SLC35D4: variants seen among roughly 807,000 people sequenced by gnomAD.
The protein encoded by SLC35D4 is UDP-N-acetylglucosamine transporter SLC35D4.
chr18:23,302,939 C>T, the SLC35D4 span, among the ~76,000 whole-genome samples: 1 of 152,178 alleles, frequency 6.6e-6, no homozygotes. Flanking sequence ...GGAAATCACC[C>T]GATTTCAAAA....
chr18:23,279,486 C>G, the SLC35D4 span, among the ~76,000 whole-genome samples: 1 of 152,148 alleles, frequency 6.6e-6, no homozygotes, highest in Non-Finnish European at 1.5e-5. Flanking sequence ...ACTCCCAGTA[C>G]CTCCGAATGT....
chr18:23,421,254 A>C, the SLC35D4 span: 2 of 896,634 alleles, frequency 2.2e-6, no homozygotes, highest in Admixed American at 5.3e-5. Flanking sequence ...AAATAAATAA[A>C]TAAGTAAATA....
the SLC35D4 span, among the ~76,000 whole-genome samples, chr18:23,247,613 A>G: frequency 6.6e-6 from 1 of 152,206 alleles, no homozygotes; most frequent in Admixed American, 6.5e-5. Flanking sequence ...CAGAGGAGCA[A>G]ACGGAGGCAC....
At chr18:23,388,207 A>G in the SLC35D4 span, among the ~76,000 whole-genome samples, 3 of 152,312 alleles carry the variant, frequency 2.0e-5, no homozygotes, top group Admixed American at 6.5e-5. Context: ...TGTTTTCTCA[A>G]TCTTCCTAGG....
At chr18:23,340,050 G>A in the SLC35D4 span, among the ~76,000 whole-genome samples, 9 of 152,006 alleles carry the variant, frequency 5.9e-5, no homozygotes, top group East Asian at 1.2e-3. Flanking sequence ...TCTCTACCAC[G>A]CACCTCATGG....
chr18:23,251,825 C>T, the SLC35D4 span, among the ~76,000 whole-genome samples: 1 of 152,200 alleles, frequency 6.6e-6, no homozygotes, highest in South Asian at 2.1e-4. Context: ...GTGGCTCACG[C>T]CTGTAATCCC....
chr18:23,437,816 A>T, the SLC35D4 span: 5 of 1,612,756 alleles, frequency 3.1e-6, no homozygotes, highest in Non-Finnish European at 1.7e-6. Flanking sequence ...TAGCAGGTAC[A>T]AAAGGTGAGG....
the SLC35D4 span, chr18:23,257,291 T>G: frequency 6.2e-7 from 1 of 1,613,920 alleles, no homozygotes; most frequent in Non-Finnish European, 8.5e-7. Flanking sequence ...CCGGTGTTAG[T>G]GGCCTTGGAA....
chr18:23,413,984 C>A, the SLC35D4 span, among the ~76,000 whole-genome samples: 3 of 146,138 alleles, frequency 2.1e-5, no homozygotes, highest in African/African-American at 7.6e-5. Context: ...GGGCTGGGCG[C>A]GGTGGCTCAC....
At chr18:23,349,715 T>C in the SLC35D4 span, among the ~76,000 whole-genome samples, 2 of 152,252 alleles carry the variant, frequency 1.3e-5, no homozygotes, top group Admixed American at 1.3e-4. Context: ...GTGGTACTTA[T>C]AAAAGAACTT....
the SLC35D4 span, among the ~76,000 whole-genome samples, chr18:23,277,355 C>G: frequency 6.6e-6 from 1 of 152,234 alleles, no homozygotes; most frequent in Non-Finnish European, 1.5e-5. Context: ...CTGCTGCCAT[C>G]TATGTAAGAT....
the SLC35D4 span, among the ~76,000 whole-genome samples, chr18:23,328,479 T>G: frequency 1.3e-5 from 2 of 152,054 alleles, no homozygotes; most frequent in African/African-American, 2.4e-5. Context: ...ATAAAATACC[T>G]AGGAATCCAA....
the SLC35D4 span, among the ~76,000 whole-genome samples, chr18:23,391,707 C>T: frequency 6.6e-6 from 1 of 152,082 alleles, no homozygotes; most frequent in African/African-American, 2.4e-5. Flanking sequence ...AGGCTGGTCT[C>T]GAACTCCTGG....
chr18:23,384,668 C>T, the SLC35D4 span, among the ~76,000 whole-genome samples: 1 of 152,232 alleles, frequency 6.6e-6, no homozygotes, highest in Non-Finnish European at 1.5e-5. Context: ...TCTGCTACGC[C>T]TTGTCCTGTG....
chr18:23,273,503 C>T, the SLC35D4 span, among the ~76,000 whole-genome samples: 7 of 152,134 alleles, frequency 4.6e-5, no homozygotes, highest in Admixed American at 6.5e-5. Flanking sequence ...TGTGGAGACA[C>T]GGAAAGTGAA....
chr18:23,297,717 C>T, the SLC35D4 span: 6 of 363,608 alleles, frequency 1.7e-5, no homozygotes, highest in East Asian at 2.6e-4. Context: ...GAACCAGCTA[C>T]AGCACGGTTG....
At chr18:23,415,164 T>C in the SLC35D4 span, among the ~76,000 whole-genome samples, 1 of 152,124 alleles carries the variant, frequency 6.6e-6, no homozygotes, top group Non-Finnish European at 1.5e-5. Context: ...GGACCCTAAA[T>C]GATTGGTTAA....
chr18:23,324,375 A>T, the SLC35D4 span, among the ~76,000 whole-genome samples: 2 of 152,216 alleles, frequency 1.3e-5, no homozygotes, highest in Non-Finnish European at 2.9e-5. Flanking sequence ...TCGAGCTAAG[A>T]CACCTTCCCT....
chr18:23,372,169 C>A, the SLC35D4 span, among the ~76,000 whole-genome samples: 1 of 151,394 alleles, frequency 6.6e-6, no homozygotes, highest in Admixed American at 6.6e-5. Context: ...ATCTCCTGAC[C>A]TCGTGATCCG....
Sources: gnomAD v4.1 joint callset for allele counts (sites outside exome capture counted in the v4.1 genomes callset) on GRCh38, gnomAD v4.1.1 for gene constraint, MANE v1.5 for transcripts, NCBI Gene and HGNC (gene_info 2026-07-23, HGNC 2026-07-21) for gene names.